Variants in NKD2 observed in about 807,000 individuals in gnomAD.
NKD2 encodes the protein protein naked cuticle homolog 2.
A neutral mutation model predicts 34.8 loss-of-function variants in NKD2; 43 were observed. The ratio of observed to expected loss-of-function variants is 1.24; its 90% CI spans 0.97 to 1.60. The LOEUF (loss-of-function observed/expected upper bound fraction) is 1.60. Among genes scored for constraint, NKD2 ranks in the 40% most tolerant of loss-of-function variants. The pLI is 0.00. For missense variants in NKD2, 675 were observed against 627.1 expected, an observed-to-expected ratio of 1.08 and a Z score of -0.82; for synonymous variants, 278 against 265.1, an observed-to-expected ratio of 1.05 and a Z score of -0.47.
chr5:1,016,937 C>T (rs909506894), intron 3 of NKD2, among the ~76,000 whole-genome samples: 9 of 151,904 alleles, frequency 5.9e-5, no homozygotes, highest in African/African-American at 1.4e-4. Context: ...CCCTCCTTCC[C>T]ACAAAGGATA....
intron 3 of NKD2, among the ~76,000 whole-genome samples, chr5:1,022,170 G>T (rs1158419107): frequency 7.2e-5 from 11 of 152,138 alleles, no homozygotes; most frequent in African/African-American, 2.4e-4. Flanking sequence ...CTTCCCACCT[G>T]CTGTGGGTGT....
intron 5 of NKD2, 200 bp from the exon 6 acceptor site, chr5:1,034,035 C>T: frequency 1.7e-6 from 1 of 594,192 alleles, no homozygotes; most frequent in Non-Finnish European, 3.0e-6. Context: ...GCTGGGTCCC[C>T]CCAAGAAGGG....
chr5:1,038,319 C>A lies in NKD2; in HGVS notation c.1302C>A (p.His434Gln). 6.5e-7 allele frequency: 1 copy of A among 1,534,096 alleles called. No homozygotes were observed. Among genetic ancestry groups the A allele is most frequent in the African/African-American group, 1.4e-5 (1 of 73,208 alleles). ...CAGTGATCCAGCGGCACGAGCACCA[C>A]CACCACCACGAGCACCACCACCACC... ...AVPVIQRHEH[H>Q]HHHEHHHHHH... Residue 434 changes from histidine to glutamine, a missense_variant, in exon 10 of 10, where the codon CAC (histidine) becomes CAA (glutamine). His to Gln is a conservative substitution (Grantham distance 24). Coordinates refer to ENST00000296849, the MANE Select transcript of NKD2 (RefSeq NM_033120.4). The surrounding 1 kb of genome is among the most constrained non-coding windows in gnomAD (Gnocchi z 4.5).
rs188809417 is a variant in NKD2, at chr5:1,029,301, G to A, written c.142-2851G>A. On this transcript the variant is annotated intron_variant, in intron 3 of 9. Coordinates refer to ENST00000296849, the MANE Select transcript of NKD2 (RefSeq NM_033120.4). ...GGTTTTCCTCTGTGTTAGGAACTCAGTCATGGGCTGGTTGGTGTAGTATTG... is the reference window on the plus strand; with the variant it reads ...GGTTTTCCTCTGTGTTAGGAACTCAATCATGGGCTGGTTGGTGTAGTATTG... Among the ~76,000 whole-genome samples, 9 of 152,372 alleles carry A rather than the reference G, an allele frequency of 5.9e-5. No individual in the cohort carries two copies. In the East Asian group the frequency reaches 1.7e-3, roughly 29 times the overall value.
intron 3 of NKD2, among the ~76,000 whole-genome samples, chr5:1,012,030 G>A (rs1187949943): frequency 6.6e-6 from 1 of 152,218 alleles, no homozygotes; most frequent in Non-Finnish European, 1.5e-5. Flanking sequence ...GTGCCATGGT[G>A]GCAGTGCACT....
At chr5:1,037,200 A>G (rs958862120) in intron 9 of NKD2, among the ~76,000 whole-genome samples, 2 of 152,078 alleles carry the variant, frequency 1.3e-5, no homozygotes, top group African/African-American at 4.8e-5. Context: ...CTGCATGGAG[A>G]TTCTTGTACC....
intron 3 of NKD2, among the ~76,000 whole-genome samples, chr5:1,015,753 G>A (rs1395960393): frequency 6.6e-6 from 1 of 152,238 alleles, no homozygotes; most frequent in Non-Finnish European, 1.5e-5. Context: ...GCCTGTCCAT[G>A]TGTGGAACCC....
chr5:1,028,822 G>C (rs1312901922), intron 3 of NKD2, among the ~76,000 whole-genome samples: 1 of 152,024 alleles, frequency 6.6e-6, no homozygotes, highest in African/African-American at 2.4e-5. Context: ...TGAGGGTAGG[G>C]TGGGTCCTCA....
At position 1,034,266 on chromosome 5, in the gene NKD2, A is replaced by G. The variant is rs1733697630; in HGVS notation, c.362A>G (p.Asp121Gly). 6.2e-7 allele frequency: 1 copy of G among 1,610,552 alleles called. No individual in the cohort carries two copies. Among genetic ancestry groups the G allele is most frequent in the Non-Finnish European group, 8.5e-7 (1 of 1,179,124 alleles). Residue 121 changes from aspartate (D) to glycine (G), a missense_variant, in exon 6 of 10, where the codon GAC becomes GGC. By Grantham distance (94) the Asp-to-Gly change is moderately conservative (BLOSUM62 -1). Transcript: ENST00000296849. The part of the protein sequence containing the change: ...ALQCDVSVEE[D>G]DRQEWTFTLY... ...CAGTGCGATGTCTCGGTGGAGGAGG[A>G]CGACCGCCAGGAGTGGACGTTCACG...
At chr5:1,035,933 C>A in intron 8 of NKD2, 1 of 378,228 alleles carries the variant, frequency 2.6e-6, no homozygotes, top group East Asian at 4.7e-5. Context: ...GGCTGGGTGG[C>A]TGGGGTGTGG....
Position 1,038,519 on chromosome 5 carries a change from C to A in NKD2, c.*146C>A. On this transcript the variant is annotated 3_prime_UTR_variant, in exon 10 of 10. Transcript: ENST00000296849. The surrounding 1 kb of genome is among the most constrained non-coding windows in gnomAD (Gnocchi z 4.5). ...AGCAAACAGCAACTGACTGCAGGTG[C>A]TGGCATGATGGAGGTGGTGCACCTT... 1 of 1,492,048 alleles carries A rather than the reference C, an allele frequency of 6.7e-7. No homozygotes were observed. The highest frequency in any genetic ancestry group is 9.0e-7 in the Non-Finnish European group (1 of 1,108,712). 92.4% of individuals were successfully genotyped at this position (1,492,048 alleles called of 1,614,324 possible).
At chr5:1,020,787 C>T (rs184580603) in intron 3 of NKD2, among the ~76,000 whole-genome samples, 4 of 151,942 alleles carry the variant, frequency 2.6e-5, no homozygotes, top group East Asian at 1.9e-4. Context: ...AAGGATGCCC[C>T]GTGGGTTGGG....
At chr5:1,020,841 G>A (rs1240978833) in intron 3 of NKD2, among the ~76,000 whole-genome samples, 1 of 152,076 alleles carries the variant, frequency 6.6e-6, no homozygotes, top group African/African-American at 2.4e-5. Context: ...CGTCCCCTTA[G>A]GCTGAGCGTC....
In NKD2 at chr5:1,009,538, A is replaced by AGCGGC; in HGVS notation, c.123_127dup (p.Ala43GlyfsTer131). 6.7e-7 allele frequency: 1 copy of AGCGGC among 1,492,134 alleles called. No homozygotes were observed. The highest frequency in any genetic ancestry group is 8.8e-7 in the Non-Finnish European group (1 of 1,129,970). 92.4% of individuals were successfully genotyped at this position (1,492,134 alleles called of 1,614,324 possible). Reference sequence around the variant, plus strand: ...GGCCGCAAAGGCGCGGAGGAAGCGGAGCGGCGCGCGCGGGACAAGCAGGTA... The same window carrying AGCGGC: ...GGCCGCAAAGGCGCGGAGGAAGCGGAGCGGCGCGGCGCGCGCGGGACAAGCAGGTA... On this transcript the variant is annotated frameshift_variant, in exon 3 of 10. Coordinates refer to ENST00000296849, the MANE Select transcript of NKD2 (RefSeq NM_033120.4). LOFTEE classifies it high-confidence loss of function. The surrounding 1 kb of genome is among the most constrained non-coding windows in gnomAD (Gnocchi z 6.9).
chr5:1,034,657 G>GC, intron 6 of NKD2, 99 bp from the exon 7 acceptor site: 1 of 1,250,410 alleles, frequency 8.0e-7, no homozygotes, highest in Non-Finnish European at 1.1e-6. Context: ...TGCAAGGATG[G>GC]CATAGGAAGG....
chr5:1,019,778 G>T (rs1306383207), intron 3 of NKD2, among the ~76,000 whole-genome samples: 3 of 151,182 alleles, frequency 2.0e-5, no homozygotes, highest in Admixed American at 1.3e-4. Context: ...ACGCGGCAGG[G>T]TTCTTTCCAG....
chr5:1,017,563 C>T (rs1193407894), intron 3 of NKD2, among the ~76,000 whole-genome samples: 3 of 152,232 alleles, frequency 2.0e-5, no homozygotes, highest in Non-Finnish European at 4.4e-5. Context: ...CTCTGTTTGT[C>T]ACAGGCTTGT....
At chr5:1,027,074 C>T (rs947976775) in intron 3 of NKD2, among the ~76,000 whole-genome samples, 2 of 152,266 alleles carry the variant, frequency 1.3e-5, no homozygotes, top group African/African-American at 4.8e-5. Flanking sequence ...GTCACCCCGG[C>T]CCTTCTTTCC....
chr5:1,032,639 G>A lies in NKD2; in HGVS notation c.202+427G>A, dbSNP rs368448595. Among the ~76,000 whole-genome samples the A allele has an allele frequency of 3.3e-5, 5 of 152,362 alleles. No homozygotes were observed. In the South Asian group the frequency reaches 1.0e-3, roughly 32 times the overall value. On this transcript the variant is annotated intron_variant, in intron 4 of 9. Coordinates refer to ENST00000296849, the MANE Select transcript of NKD2 (RefSeq NM_033120.4). ...CCAGTCCTACCTGTGGCGCGTGGCAGGTCAGCACTTGGCTTACCTGTGGGT... is the reference window on the plus strand; with the variant it reads ...CCAGTCCTACCTGTGGCGCGTGGCAAGTCAGCACTTGGCTTACCTGTGGGT...
Sources: gnomAD v4.1 joint callset for allele counts (sites outside exome capture counted in the v4.1 genomes callset) on GRCh38, gnomAD v4.1.1 for gene constraint, Gnocchi (gnomAD v3.1) non-coding constraint, MANE v1.5 for transcripts, NCBI Gene and HGNC (gene_info 2026-07-23, HGNC 2026-07-21) for gene names.